The following THSD7A variants were observed in gnomAD, a reference collection of about 807,000 sequenced individuals.
THSD7A encodes thrombospondin type 1 domain containing 7A.
THSD7A carries 96 observed loss-of-function variants against 231.3 expected under a neutral mutation model. The ratio of observed to expected loss-of-function variants is 0.41; its 90% CI spans 0.35 to 0.49. The LOEUF is 0.49. Among genes scored for constraint, THSD7A ranks in the 20% least tolerant of loss-of-function variants. THSD7A has a pLI of 0.05. For synonymous variants in THSD7A, 940 were observed against 743.3 expected, an observed-to-expected ratio of 1.26 and a Z score of -4.30; for missense variants, 2,290 against 2,070.2, an observed-to-expected ratio of 1.11 and a Z score of -2.06.
intron 23 of THSD7A, among the ~76,000 whole-genome samples, chr7:11,386,204 T>A (rs1782736962): frequency 6.6e-6 from 1 of 152,226 alleles, no homozygotes; most frequent in East Asian, 1.9e-4. Flanking sequence ...TATAATAGAA[T>A]GGTTCATAAT....
chr7:11,662,359 A>G (rs1229447123), intron 1 of THSD7A, among the ~76,000 whole-genome samples: 8 of 151,382 alleles, frequency 5.3e-5, no homozygotes, highest in Non-Finnish European at 7.4e-5. Flanking sequence ...AGAAGGATGA[A>G]TCACTTCTAA....
intron 7 of THSD7A, among the ~76,000 whole-genome samples, chr7:11,476,031 T>G (rs1226696876): frequency 2.0e-5 from 3 of 151,012 alleles, no homozygotes; most frequent in Non-Finnish European, 2.9e-5. Context: ...AAAAATAACC[T>G]TTTCCTTTTT....
intron 1 of THSD7A, among the ~76,000 whole-genome samples, chr7:11,731,058 C>T (rs1314695556): frequency 2.0e-5 from 3 of 151,396 alleles, no homozygotes; most frequent in Admixed American, 1.3e-4. Flanking sequence ...TTGTTTATTT[C>T]CTTTAAGACA....
intron 1 of THSD7A, among the ~76,000 whole-genome samples, chr7:11,807,241 C>T (rs1346385261): frequency 1.3e-5 from 2 of 152,202 alleles, no homozygotes; most frequent in East Asian, 1.9e-4. Flanking sequence ...TCACATGATA[C>T]AAACCTAGTA....
chr7:11,743,245 T>A (rs1340580667), intron 1 of THSD7A, among the ~76,000 whole-genome samples: 4 of 151,878 alleles, frequency 2.6e-5, no homozygotes, highest in Admixed American at 1.3e-4. Flanking sequence ...AGCTCAATAA[T>A]AAATAGTTGA....
chr7:11,791,978 C>A (rs1280908659), intron 1 of THSD7A, among the ~76,000 whole-genome samples: 1 of 151,836 alleles, frequency 6.6e-6, no homozygotes, highest in Non-Finnish European at 1.5e-5. Flanking sequence ...CACCAAGAAG[C>A]GCTAAAGACA....
chr7:11,441,182 T>C (rs978619453), intron 13 of THSD7A, among the ~76,000 whole-genome samples: 2 of 152,058 alleles, frequency 1.3e-5, no homozygotes, highest in African/African-American at 4.8e-5. Flanking sequence ...TAAAATAGTC[T>C]AAGATATCCT....
At chr7:11,544,820 A>T (rs1438390520) in intron 4 of THSD7A, among the ~76,000 whole-genome samples, 2 of 43,838 alleles carry the variant, frequency 4.6e-5, no homozygotes, top group African/African-American at 1.8e-4. Flanking sequence ...CCCCACCCCC[A>T]CCACTCCCAC....
chr7:11,580,297 GA>G (rs1473905935), intron 4 of THSD7A, among the ~76,000 whole-genome samples: 2 of 151,794 alleles, frequency 1.3e-5, no homozygotes, highest in Admixed American at 6.6e-5. Context: ...ATGCTTTAGA[GA>G]AAAAAAATTC....
chr7:11,759,118 C>T (rs975847180), intron 1 of THSD7A, among the ~76,000 whole-genome samples: 14 of 151,720 alleles, frequency 9.2e-5, no homozygotes, highest in African/African-American at 3.4e-4. Flanking sequence ...CCAAGAAACA[C>T]GAATTCAACA....
At chr7:11,653,998 C>A (rs569857799) in intron 1 of THSD7A, among the ~76,000 whole-genome samples, 1 of 151,922 alleles carries the variant, frequency 6.6e-6, no homozygotes, top group East Asian at 1.9e-4. Context: ...TATGTTCTTA[C>A]TAAATCACTG....
rs529509745 is a variant in THSD7A at position 11,829,758 on chromosome 7, G to A, written c.190+1999C>T. On this transcript the variant is annotated intron_variant, in intron 1 of 27. Transcript: ENST00000423059. The stretch of plus-strand genomic sequence containing the variant: ...ATTCTCTAGTTCTTTTGAGAACTAC[G>A]TTCAACTCCTTTACAGATATATTAA... Among the ~76,000 whole-genome samples, 18 of 149,678 alleles carry A rather than the reference G, an allele frequency of 1.2e-4. No individual in the cohort carries two copies. The South Asian group carries it at 2.7e-3, about 23-fold the overall frequency.
intron 1 of THSD7A, among the ~76,000 whole-genome samples, chr7:11,795,168 C>T (rs1014992240): frequency 6.6e-6 from 1 of 151,622 alleles, no homozygotes; most frequent in Non-Finnish European, 1.5e-5. Context: ...CTTTCTGTTT[C>T]AAAAAATTAC....
At chr7:11,762,394 AT>A (rs993856488) in intron 1 of THSD7A, among the ~76,000 whole-genome samples, 3 of 152,056 alleles carry the variant, frequency 2.0e-5, no homozygotes, top group African/African-American at 7.2e-5. Flanking sequence ...CATCCTAGCT[AT>A]GATTTATTAT....
intron 6 of THSD7A, among the ~76,000 whole-genome samples, chr7:11,515,881 G>A (rs1788011837): frequency 6.6e-6 from 1 of 152,184 alleles, no homozygotes; most frequent in African/African-American, 2.4e-5. Flanking sequence ...GGCTAAGTGA[G>A]TTGTGACTTC....
rs141726906 is a variant in THSD7A at position 11,624,524 on chromosome 7, T to C, written c.1022+11606A>G. 3.1e-3 allele frequency among the ~76,000 whole-genome samples: 471 copies of C among 152,268 alleles called. 2 individuals carry two copies. Among genetic ancestry groups the C allele is most frequent in the African/African-American group, 0.011 (443 of 41,564 alleles). On this transcript the variant is annotated intron_variant, in intron 2 of 27. Transcript: ENST00000423059. ...ATGAGGTTTGACTTGGAATGCTCAG[T>C]CTTTCCACCATACCCTACTTAGGTA...
intron 26 of THSD7A, 27 bp from the exon 27 acceptor site, chr7:11,376,684 AT>A: frequency 6.6e-7 from 1 of 1,517,718 alleles, no homozygotes. Flanking sequence ...TTAGTTATTA[AT>A]TTACATTAGT....
intron 1 of THSD7A, among the ~76,000 whole-genome samples, chr7:11,776,372 T>A (rs1291915595): frequency 4.6e-5 from 7 of 152,188 alleles, no homozygotes; most frequent in African/African-American, 1.7e-4. Flanking sequence ...GTGACTACAA[T>A]GCCTGCAAGG....
At chr7:11,818,259 C>T (rs1784770550) in intron 1 of THSD7A, among the ~76,000 whole-genome samples, 1 of 152,180 alleles carries the variant, frequency 6.6e-6, no homozygotes, top group African/African-American at 2.4e-5. Context: ...CCTGTATTGG[C>T]CACATACCAT....
Sources: gnomAD v4.1 joint callset for allele counts (sites outside exome capture counted in the v4.1 genomes callset) on GRCh38, gnomAD v4.1.1 for gene constraint, MANE v1.5 for transcripts, NCBI Gene and HGNC (gene_info 2026-07-23, HGNC 2026-07-21) for gene names.